Variants in MYO1H observed in about 807,000 individuals in gnomAD.
MYO1H encodes the protein unconventional myosin-Ih.
A neutral mutation model predicts 149.3 loss-of-function variants in MYO1H; 118 were observed. The ratio of observed to expected loss-of-function variants is 0.79; its 90% CI spans 0.68 to 0.92. The LOEUF (loss-of-function observed/expected upper bound fraction) is 0.92, where lower values mean the gene tolerates loss of function less well. MYO1H is among the 40% of genes least tolerant of loss of function. The pLI is 0.00. For missense variants in MYO1H, 1,212 were observed against 1,280.7 expected (o/e 0.95, Z 0.82); for synonymous variants, 447 against 465.2 (o/e 0.96, Z 0.50).
At position 109,444,288 on chromosome 12, in the gene MYO1H, T is replaced by G. The variant is rs1380269867; in HGVS notation, c.2895+5T>G. 6.2e-7 allele frequency: 1 copy of G among 1,613,160 alleles called. No individual in the cohort carries two copies. ...CCAGAGGACAGCAAGCAAAAGGTAA[T>G]TGACAGCCACCAGTCTCTACTAAAA... On this transcript the variant is annotated splice_donor_5th_base_variant and intron_variant, in intron 29 of 31. Transcript: ENST00000310903.
the MYO1H span, among the ~76,000 whole-genome samples, chr12:109,333,020 T>TA: frequency 6.6e-6 from 1 of 151,924 alleles, no homozygotes; most frequent in Admixed American, 6.6e-5. Context: ...CTTGTTCATT[T>TA]AAAAAACAAT....
At chr12:109,336,429 C>T in the MYO1H span, among the ~76,000 whole-genome samples, 229 of 152,294 alleles carry the variant, frequency 1.5e-3, no homozygotes, top group African/African-American at 5.2e-3. Context: ...GAGTATTAGA[C>T]TGCACTTCTG....
At chr12:109,316,294 G>A in the MYO1H span, among the ~76,000 whole-genome samples, 84 of 152,240 alleles carry the variant, frequency 5.5e-4, no homozygotes, top group Non-Finnish European at 8.7e-4. Context: ...CCCAGCAACC[G>A]TGAGTGGTTT....
upstream of MYO1H, among the ~76,000 whole-genome samples, chr12:109,345,807 G>T (rs1423173250): frequency 1.3e-5 from 2 of 152,208 alleles, no homozygotes; most frequent in African/African-American, 4.8e-5. Context: ...AAACATGGAT[G>T]AAACTTGAAG....
intron 22 of MYO1H, 31 bp from the exon 23 acceptor site, chr12:109,438,505 A>G (rs1436244289): frequency 1.3e-6 from 2 of 1,571,680 alleles, no homozygotes; most frequent in Non-Finnish European, 8.7e-7. Flanking sequence ...GATTGTGCTC[A>G]CCTTCTAATG....
At chr12:109,368,456 G>C (rs1161796953) in intron 1 of MYO1H, among the ~76,000 whole-genome samples, 1 of 152,094 alleles carries the variant, frequency 6.6e-6, no homozygotes, top group Non-Finnish European at 1.5e-5. Flanking sequence ...AGGAGTTTGA[G>C]ACCATCCTGG....
the MYO1H span, among the ~76,000 whole-genome samples, chr12:109,331,831 T>A: frequency 7.9e-5 from 12 of 152,230 alleles, no homozygotes; most frequent in Non-Finnish European, 1.6e-4. Flanking sequence ...TTCCTAATGC[T>A]TTTGCATTTA....
chr12:109,371,761 A>G (rs1474313421), intron 1 of MYO1H, among the ~76,000 whole-genome samples: 1 of 152,236 alleles, frequency 6.6e-6, no homozygotes. Flanking sequence ...TAAAGATTCT[A>G]TAATATATAC....
chr12:109,319,585 T>G, the MYO1H span, among the ~76,000 whole-genome samples: 2 of 152,178 alleles, frequency 1.3e-5, no homozygotes, highest in Non-Finnish European at 2.9e-5. Flanking sequence ...ATGGTGGTAT[T>G]TTTTTACCAC....
intron 18 of MYO1H, among the ~76,000 whole-genome samples, chr12:109,426,340 C>T (rs1361944582): frequency 6.6e-6 from 1 of 152,024 alleles, no homozygotes; most frequent in African/African-American, 2.4e-5. Context: ...GAAAATTAGC[C>T]AGGCATGGTG....
At chr12:109,362,076 AAAAG>A (rs1250068503) in intron 1 of MYO1H, among the ~76,000 whole-genome samples, 1 of 152,214 alleles carries the variant, frequency 6.6e-6, no homozygotes, top group Non-Finnish European at 1.5e-5. Context: ...TAAGTTTGGA[AAAAG>A]AAAGCAGATA....
chr12:109,429,224 G>A (rs1424883563), intron 19 of MYO1H, among the ~76,000 whole-genome samples: 2 of 143,008 alleles, frequency 1.4e-5, no homozygotes, highest in Non-Finnish European at 3.1e-5. Flanking sequence ...ACAAAAACTG[G>A]TGAGCAGCTA....
At chr12:109,406,461 A>C (rs1870391826) in intron 8 of MYO1H, among the ~76,000 whole-genome samples, 1 of 86,964 alleles carries the variant, frequency 1.1e-5, no homozygotes, top group Non-Finnish European at 2.2e-5. Context: ...GTGAGACCCT[A>C]TCTCTTAAAA....
intron 23 of MYO1H, 145 bp downstream of exon 23, chr12:109,438,765 G>A (rs1462871382): frequency 4.7e-6 from 3 of 642,354 alleles, no homozygotes; most frequent in African/African-American, 3.7e-5. Context: ...AGGAATTCAG[G>A]TCCATCCCTT....
At chr12:109,342,426 T>G in the MYO1H span, among the ~76,000 whole-genome samples, 1 of 150,870 alleles carries the variant, frequency 6.6e-6, no homozygotes, top group East Asian at 1.9e-4. Context: ...ATTACAGGCA[T>G]GAGCCACTGC....
At chr12:109,334,837 G>T in the MYO1H span, among the ~76,000 whole-genome samples, 1 of 152,100 alleles carries the variant, frequency 6.6e-6, no homozygotes, top group East Asian at 1.9e-4. Context: ...GTTGTAAAAG[G>T]GTAGTAGGTT....
intron 24 of MYO1H, chr12:109,440,515 C>A: frequency 2.0e-6 from 1 of 491,964 alleles, no homozygotes. Flanking sequence ...ATAGCCAGTT[C>A]TGCAGGTGAG....
At chr12:109,407,576 C>A (rs1870446445) in intron 9 of MYO1H, among the ~76,000 whole-genome samples, 2 of 116,132 alleles carry the variant, frequency 1.7e-5, no homozygotes, top group African/African-American at 3.3e-5. Flanking sequence ...CCAGCCTGGG[C>A]AACATGGCTA....
intron 1 of MYO1H, among the ~76,000 whole-genome samples, chr12:109,350,198 C>T (rs1395965063): frequency 3.9e-5 from 6 of 152,082 alleles, no homozygotes; most frequent in Admixed American, 3.3e-4. Context: ...CAAAAGCTCA[C>T]TTTATGCAAA....
Sources: allele counts gnomAD v4.1 joint callset (sites outside exome capture counted in the v4.1 genomes callset), GRCh38; gene constraint gnomAD v4.1.1; transcripts MANE v1.5; gene names NCBI Gene and HGNC (gene_info 2026-07-23, HGNC 2026-07-21).